IRF6: variants seen among roughly 807,000 people sequenced by gnomAD.
The protein encoded by IRF6 is Van der Woude syndrome.
Under a neutral mutation model 51.4 loss-of-function variants are expected in IRF6, and 6 were observed. The ratio of observed to expected loss-of-function variants is 0.12; its 90% CI spans 0.06 to 0.23. The LOEUF is 0.23. Ranked by LOEUF, IRF6 falls within the 10% of genes least tolerant of loss-of-function variation. The probability of loss-of-function intolerance (pLI) is 1.00; values close to 1 mark genes in which losing one functional copy is unlikely to be tolerated. For missense variants in IRF6, 348 were observed against 585.2 expected, an observed-to-expected ratio of 0.59 and a Z score of 4.18; for synonymous variants, 178 against 215.7, an observed-to-expected ratio of 0.83 and a Z score of 1.53.
intron 1 of IRF6, among the ~76,000 whole-genome samples, chr1:209,804,216 A>G (rs1469484630): frequency 2.0e-5 from 3 of 152,206 alleles, no homozygotes; most frequent in African/African-American, 2.4e-5. Flanking sequence ...CAATTTTTAC[A>G]TGAACCTTTA....
chr1:209,805,053 G>T (rs181231542), intron 1 of IRF6, among the ~76,000 whole-genome samples: 3 of 152,190 alleles, frequency 2.0e-5, no homozygotes, highest in Admixed American at 2.0e-4. Context: ...GGGGGATGGC[G>T]AATGGGAGTT....
chr1:209,790,800 A>G lies in IRF6; in HGVS notation c.755T>C (p.Phe252Ser). The change falls in exon 7 of 9, where the codon TTC (phenylalanine) becomes TCC (serine). Residue 252 changes from phenylalanine to serine, a missense_variant. Coordinates refer to ENST00000367021, the MANE Select transcript of IRF6 (RefSeq NM_006147.4). The surrounding 1 kb of genome is among the most constrained non-coding windows in gnomAD (Gnocchi z 4.8). Reference sequence around the variant, plus strand: ...AGGCATGGGACCCAGGTCCCCATAGAAGAGTCGGCAGCCCTGAGGGTTGCT... The same window carrying G: ...AGGCATGGGACCCAGGTCCCCATAGGAGAGTCGGCAGCCCTGAGGGTTGCT... ...TVSNPQGCRLFYGDLGPMPDQ... is the reference protein window; with the variant it reads ...TVSNPQGCRLSYGDLGPMPDQ... 6.2e-7 allele frequency: 1 copy of G among 1,614,110 alleles called. No individual in the cohort carries two copies. The highest frequency in any genetic ancestry group is 1.3e-5 in the African/African-American group (1 of 75,056).
At chr1:209,802,797 C>A (rs2077951565) in intron 1 of IRF6, among the ~76,000 whole-genome samples, 1 of 152,194 alleles carries the variant, frequency 6.6e-6, no homozygotes, top group South Asian at 2.1e-4. Context: ...ATAAACTGTG[C>A]CAGGTGGGAA....
chr1:209,788,469 A>G lies in IRF6; in HGVS notation c.1355T>C (p.Met452Thr). ...ILQTQESWQP[M>T]QPTPSMQLPP... Reference sequence around the variant, plus strand: ...CAGTTGCATGCTGGGGGTGGGCTGCATGGGCTGCCAGCTCTCCTGGGTTTG... The same window carrying G: ...CAGTTGCATGCTGGGGGTGGGCTGCGTGGGCTGCCAGCTCTCCTGGGTTTG... Residue 452 changes from methionine to threonine, a missense_variant, in exon 9 of 9, where the codon ATG becomes ACG. Met to Thr is a moderately conservative substitution (Grantham distance 81, BLOSUM62 -1). This residue lies in a region of IRF6 where 48 missense variants were observed against 66.9 expected (regional missense o/e 0.72). Coordinates refer to ENST00000367021, the MANE Select transcript of IRF6 (RefSeq NM_006147.4). 1.9e-6 allele frequency: 3 copies of G among 1,614,102 alleles called. No homozygotes were observed. The highest frequency in any genetic ancestry group is 2.5e-6 in the Non-Finnish European group (3 of 1,180,022).
At chr1:209,799,569 A>G (rs1382597265) in intron 3 of IRF6, among the ~76,000 whole-genome samples, 2 of 152,258 alleles carry the variant, frequency 1.3e-5, no homozygotes, top group East Asian at 3.8e-4. Flanking sequence ...ATGCACAGAT[A>G]TAACTAAAAC....
In IRF6 at chr1:209,789,749, T is replaced by C; in HGVS notation, c.1097A>G (p.Gln366Arg). Reference sequence around the variant, plus strand: ...GCATAAGTAGATCTCAAACGGTGGCTGCTTCTCTATCTGTCCTTTCTGGTG... The same window carrying C: ...GCATAAGTAGATCTCAAACGGTGGCCGCTTCTCTATCTGTCCTTTCTGGTG... Reference protein sequence around the residue: ...IAHQKGQIEKQPPFEIYLCFG... With the variant: ...IAHQKGQIEKRPPFEIYLCFG... Residue 366 changes from glutamine (Q) to arginine (R), a missense_variant, in exon 8 of 9, where the codon CAG becomes CGG. Physicochemically the swap from Gln to Arg is conservative, Grantham distance 43. This residue lies in a region of IRF6 where 125 missense variants were observed against 222.0 expected (regional missense o/e 0.56). Coordinates refer to ENST00000367021, the MANE Select transcript of IRF6 (RefSeq NM_006147.4). 6.2e-7 allele frequency: 1 copy of C among 1,614,114 alleles called. No homozygotes were observed. Among genetic ancestry groups the C allele is most frequent in the Non-Finnish European group, 8.5e-7 (1 of 1,179,982 alleles).
chr1:209,795,491 C>A, intron 4 of IRF6, 73 bp from the exon 5 acceptor site: 1 of 1,605,586 alleles, frequency 6.2e-7, no homozygotes, highest in Non-Finnish European at 8.5e-7. Flanking sequence ...ACCCACCATT[C>A]AAGCTAGGGA....
chr1:209,795,326 G>A lies in IRF6; in HGVS notation c.472C>T (p.Pro158Ser). The A allele has an allele frequency of 2.5e-6, 4 of 1,614,188 alleles. No individual in the cohort carries two copies. The highest frequency in any genetic ancestry group is 3.4e-6 in the Non-Finnish European group (4 of 1,180,020). ...AGGAAGGGGAAGGTGTCCTGGATGG[G>A]AACATGGTGCTGCGACTGATCCAGC... is the stretch of plus-strand genomic sequence containing the variant. ...DELDQSQHHV[P>S]IQDTFPFLNI... Residue 158 changes from proline to serine, a missense_variant, in exon 5 of 9, where the codon CCC becomes TCC. Physicochemically the swap from Pro to Ser is moderately conservative, Grantham distance 74. Around this residue, in one of 5 missense-constraint regions of IRF6, gnomAD observed 124 missense variants for 141.6 expected, o/e 0.88. Transcript: ENST00000367021.
intron 3 of IRF6, among the ~76,000 whole-genome samples, chr1:209,799,925 CTGACA>C (rs2077929034): frequency 6.6e-6 from 1 of 152,192 alleles, no homozygotes; most frequent in African/African-American, 2.4e-5. Context: ...CTCTCTACAC[CTGACA>C]TAACTGAGTT....
chr1:209,801,163 A>G (rs2077938561), intron 3 of IRF6, 77 bp downstream of exon 3: 2 of 1,240,134 alleles, frequency 1.6e-6, no homozygotes, highest in Non-Finnish European at 1.1e-6. Flanking sequence ...AGAGTTTTAG[A>G]TCTAGTGTAT....
In IRF6 at chr1:209,795,839, T is replaced by A. The variant is rs924950396; in HGVS notation, c.380-421A>T. Among the ~76,000 whole-genome samples, 139 of 144,632 alleles carry A rather than the reference T, an allele frequency of 9.6e-4. 1 individual carries two copies. The highest frequency in any genetic ancestry group is 3.2e-3 in the African/African-American group (127 of 39,866). 94.9% of individuals were successfully genotyped at this position (144,632 alleles called of 152,430 possible). On this transcript the variant is annotated intron_variant, in intron 4 of 8. Transcript: ENST00000367021. ...AATTATTATTTGTCAATTAAAAAAT[T>A]TTTTTAACAGATCATGTTAATTTTT...
At chr1:209,795,938 G>A (rs760575214) in intron 4 of IRF6, among the ~76,000 whole-genome samples, 105 of 152,108 alleles carry the variant, frequency 6.9e-4, no homozygotes, top group Non-Finnish European at 1.0e-3. Flanking sequence ...CCATATTTTA[G>A]AGTTGAAGAA....
Position 209,796,225 on chromosome 1 carries a change from G to C in IRF6, c.379+123C>G. 1 of 799,920 alleles carries C rather than the reference G, an allele frequency of 1.3e-6. No individual in the cohort carries two copies. Among genetic ancestry groups the C allele is most frequent in the Non-Finnish European group, 2.0e-6 (1 of 499,360 alleles). The allele number at this position is 799,920 out of a possible 1,614,324, so 49.6% of individuals were successfully genotyped here. A position where few individuals can be genotyped will look rare whatever the true frequency, so the allele number is the denominator to read the frequency against. On this transcript the variant is annotated intron_variant, in intron 4 of 8. Transcript: ENST00000367021. This position sits in a 1 kb window ranked among gnomAD's most constrained non-coding sequence, Gnocchi z 4.5. ...TTTTCTGGGTCCTTCCCAGAGAAAG[G>C]CTTTCTTGCTTTATCCATCTTAAAC...
intron 8 of IRF6, among the ~76,000 whole-genome samples, chr1:209,789,373 G>GTA (rs2077854980): frequency 6.7e-6 from 1 of 150,188 alleles, no homozygotes; most frequent in African/African-American, 2.4e-5. Context: ...GTGTGTGTGT[G>GTA]TGTATTTGTG....
In IRF6 at chr1:209,790,463, T is replaced by A. The variant is rs752843536; in HGVS notation, c.1060+32A>T. 6.2e-7 allele frequency: 1 copy of A among 1,609,148 alleles called. No individual in the cohort carries two copies. The highest frequency in any genetic ancestry group is 8.5e-7 in the Non-Finnish European group (1 of 1,176,744). ...AAGGAATGTACTTCCAGAGAGTGAT[T>A]CCCACGATCAACTTTCTGAGAAATG... On this transcript the variant is annotated intron_variant, in intron 7 of 8. Transcript: ENST00000367021. This position sits in a 1 kb window ranked among gnomAD's most constrained non-coding sequence, Gnocchi z 4.8.
intron 1 of IRF6, among the ~76,000 whole-genome samples, chr1:209,803,963 A>G (rs532007192): frequency 6.6e-6 from 1 of 152,336 alleles, no homozygotes; most frequent in African/African-American, 2.4e-5. Flanking sequence ...ATACACACAG[A>G]ACTGAAAAAA....
At chr1:209,801,930 G>T (rs1323259056) in intron 2 of IRF6, 42 bp downstream of exon 2, 2 of 152,544 alleles carry the variant, frequency 1.3e-5, no homozygotes, top group Admixed American at 1.3e-4. Flanking sequence ...TGAGGGAGAA[G>T]TAGATAAGGG....
chr1:209,799,893 G>A (rs188280506), intron 3 of IRF6, among the ~76,000 whole-genome samples: 1 of 152,108 alleles, frequency 6.6e-6, no homozygotes, highest in Admixed American at 6.5e-5. Flanking sequence ...GTACCTTCAG[G>A]TCAATATTCT....
At chr1:209,793,051 T>TA (rs150255397) in intron 5 of IRF6, 58,016 of 128,188 alleles carry the variant, frequency 0.45, 11,393 homozygotes, top group Middle Eastern at 0.5. Context: ...TTAAAAGGTT[T>TA]AAAAAAAGAA....
Sources: gnomAD v4.1 joint callset for allele counts (sites outside exome capture counted in the v4.1 genomes callset) on GRCh38, gnomAD v4.1.1 for gene constraint, gnomAD v4.1.1 regional missense constraint, Gnocchi (gnomAD v3.1) non-coding constraint, MANE v1.5 for transcripts, NCBI Gene and HGNC (gene_info 2026-07-23, HGNC 2026-07-21) for gene names.